EPM2A: variants seen among roughly 807,000 people sequenced by gnomAD.
EPM2A encodes the protein EPM2A glucan phosphatase, laforin, also known as laforin.
EPM2A carries 21 observed loss-of-function variants against 26.5 expected under a neutral mutation model. The observed-to-expected ratio is 0.79, with a 90% CI of 0.56 to 1.14. EPM2A has a LOEUF of 1.14. Ranked by LOEUF, EPM2A falls within the 50% of genes most tolerant of loss-of-function variation. The probability of loss-of-function intolerance (pLI) is 0.00; values close to 1 mark genes in which losing one functional copy is unlikely to be tolerated. For missense variants in EPM2A, 458 were observed against 440.8 expected, an observed-to-expected ratio of 1.04 and a Z score of -0.35; for synonymous variants, 217 against 177.6, an observed-to-expected ratio of 1.22 and a Z score of -1.76.
chr6:145,415,692 A>G (rs1454581255), intron 4 of EPM2A, among the ~76,000 whole-genome samples: 1 of 152,168 alleles, frequency 6.6e-6, no homozygotes, highest in Non-Finnish European at 1.5e-5. Flanking sequence ...AAAGTACTGT[A>G]ATGTACATTA....
In EPM2A at chr6:145,616,641, C is replaced by T. The variant is rs188020668; in HGVS notation, c.340+18604G>A. ...CCCATGAAAGCAGCCAGCAGGGGGG[C>T]TATACCCTGCAAAGCCACAGGGGTG... On this transcript the variant is annotated intron_variant, in intron 2 of 3. Transcript: ENST00000450221. 5.9e-5 allele frequency among the ~76,000 whole-genome samples: 9 copies of T among 152,330 alleles called. No homozygotes were observed. In the East Asian group the frequency reaches 1.4e-3, roughly 23 times the overall value.
chr6:145,510,285 A>G (rs1582811834), intron 2 of EPM2A, among the ~76,000 whole-genome samples: 1 of 152,208 alleles, frequency 6.6e-6, no homozygotes, highest in East Asian at 1.9e-4. Context: ...ACCACAGAAT[A>G]TACATTCTTC....
chr6:145,534,543 C>G (rs890427898), intron 2 of EPM2A, among the ~76,000 whole-genome samples: 1 of 152,164 alleles, frequency 6.6e-6, no homozygotes. Context: ...AGTTATGCAC[C>G]TCTTAGGAGT....
chr6:145,711,426 T>G (rs1013555356), intron 1 of EPM2A, among the ~76,000 whole-genome samples: 12 of 152,138 alleles, frequency 7.9e-5, no homozygotes, highest in African/African-American at 2.9e-4. Context: ...AGATTGATAA[T>G]GAGTTGAGGT....
At chr6:145,438,779 A>G (rs552717160) in intron 4 of EPM2A, among the ~76,000 whole-genome samples, 14 of 152,232 alleles carry the variant, frequency 9.2e-5, no homozygotes, top group African/African-American at 3.4e-4. Context: ...GCCAAGGATA[A>G]TCTTTTTAAA....
intron 4 of EPM2A, chr6:145,489,829 T>C: frequency 3.5e-6 from 5 of 1,447,534 alleles, no homozygotes; most frequent in Non-Finnish European, 3.9e-6. Flanking sequence ...TTCTAGAAGT[T>C]CAGTTTGTAC....
At chr6:145,615,961 G>A (rs1775503976) in intron 2 of EPM2A, among the ~76,000 whole-genome samples, 1 of 152,188 alleles carries the variant, frequency 6.6e-6, no homozygotes, top group Non-Finnish European at 1.5e-5. Flanking sequence ...TTTGCAGCCT[G>A]ACAAAGCAAT....
chr6:145,432,675 T>A (rs1015838219), intron 4 of EPM2A, among the ~76,000 whole-genome samples: 1 of 152,186 alleles, frequency 6.6e-6, no homozygotes, highest in Non-Finnish European at 1.5e-5. Context: ...AAATGAGTAT[T>A]GTCTTCAACT....
chr6:145,598,715 T>C (rs970398073), intron 2 of EPM2A, among the ~76,000 whole-genome samples: 1 of 152,132 alleles, frequency 6.6e-6, no homozygotes, highest in Admixed American at 6.5e-5. Flanking sequence ...GCCTAGGTTG[T>C]TGTACAGGAT....
intron 4 of EPM2A, among the ~76,000 whole-genome samples, chr6:145,400,916 A>C (rs1204586572): frequency 1.3e-5 from 2 of 152,140 alleles, no homozygotes; most frequent in African/African-American, 4.8e-5. Flanking sequence ...CTCCTTTCTA[A>C]ACTTACAGAT....
chr6:145,417,157 G>A (rs1484335294), intron 4 of EPM2A, among the ~76,000 whole-genome samples: 2 of 152,142 alleles, frequency 1.3e-5, no homozygotes, highest in East Asian at 3.9e-4. Flanking sequence ...ATTCCTCAGA[G>A]GTTTTAGTTG....
intron 1 of EPM2A, among the ~76,000 whole-genome samples, chr6:145,706,217 T>A (rs1025915368): frequency 1.3e-5 from 2 of 152,164 alleles, no homozygotes; most frequent in African/African-American, 4.8e-5. Context: ...TAACAGGAAT[T>A]ACACTGTAGG....
intron 2 of EPM2A, among the ~76,000 whole-genome samples, chr6:145,571,612 T>C (rs535381380): frequency 6.6e-6 from 1 of 152,336 alleles, no homozygotes; most frequent in East Asian, 1.9e-4. Flanking sequence ...TGCCACGAAG[T>C]AGCTGGCTGA....
At chr6:145,560,145 G>T (rs1487163819) in intron 2 of EPM2A, among the ~76,000 whole-genome samples, 2 of 152,058 alleles carry the variant, frequency 1.3e-5, no homozygotes, top group African/African-American at 2.4e-5. Flanking sequence ...GCAATAGTGA[G>T]GTCAGCAGCA....
intron 1 of EPM2A, among the ~76,000 whole-genome samples, chr6:145,700,989 G>T (rs1470480360): frequency 6.6e-6 from 1 of 152,100 alleles, no homozygotes; most frequent in African/African-American, 2.4e-5. Context: ...GCATTGGAAA[G>T]AAACTAGAAA....
chr6:145,527,181 T>A (rs759376681), intron 2 of EPM2A, among the ~76,000 whole-genome samples: 25 of 152,194 alleles, frequency 1.6e-4, no homozygotes, highest in Non-Finnish European at 3.1e-4. Flanking sequence ...TAAAAAAAAA[T>A]TATTAAGACT....
At chr6:145,586,027 C>T (rs1344252133) in intron 2 of EPM2A, among the ~76,000 whole-genome samples, 1 of 152,178 alleles carries the variant, frequency 6.6e-6, no homozygotes, top group Non-Finnish European at 1.5e-5. Context: ...AGTCCACTGT[C>T]CCATAAACTC....
intron 2 of EPM2A, among the ~76,000 whole-genome samples, chr6:145,663,826 C>T (rs1369372753): frequency 9.8e-6 from 1 of 101,988 alleles, no homozygotes; most frequent in Non-Finnish European, 2.0e-5. Flanking sequence ...TCGGCAGAAA[C>T]CCTACAAGCC....
At chr6:145,400,211 A>C (rs543972241) in intron 4 of EPM2A, among the ~76,000 whole-genome samples, 22 of 152,322 alleles carry the variant, frequency 1.4e-4, no homozygotes, top group African/African-American at 5.1e-4. Flanking sequence ...AAGTTTGGGC[A>C]TTGATGCTGA....
Sources: allele counts gnomAD v4.1 joint callset (sites outside exome capture counted in the v4.1 genomes callset), GRCh38; gene constraint gnomAD v4.1.1; transcripts MANE v1.5; gene names NCBI Gene and HGNC (gene_info 2026-07-23, HGNC 2026-07-21).